ZNF737: variants seen among roughly 807,000 people sequenced by gnomAD.
ZNF737 encodes zinc finger protein 737.
Under a neutral mutation model 11.7 loss-of-function variants are expected in ZNF737, and 13 were observed. The observed-to-expected ratio is 1.11, with a 90% CI of 0.73 to 1.77. The LOEUF is 1.77. Among genes scored for constraint, ZNF737 ranks in the 40% most tolerant of loss-of-function variants. ZNF737 has a pLI of 0.00. For missense variants in ZNF737, 636 were observed against 638.0 expected (o/e 1.00, Z 0.03); for synonymous variants, 217 against 216.2 (o/e 1.00, Z -0.03).
chr19:20,541,076 G>A lies in ZNF737; in HGVS notation c.*3516C>T. 1 of 985,194 alleles carries A rather than the reference G, an allele frequency of 1.0e-6. No individual in the cohort carries two copies. Among genetic ancestry groups the A allele is most frequent in the South Asian group, 4.7e-5 (1 of 21,276 alleles). 61.0% of individuals were successfully genotyped at this position (985,194 alleles called of 1,614,324 possible). ...AAAGTTGCCTGTGCTTTAATAGGCAGACTCTGGGGAGAATCCGAATCACAG... is the reference window on the plus strand; with the variant it reads ...AAAGTTGCCTGTGCTTTAATAGGCAAACTCTGGGGAGAATCCGAATCACAG... On this transcript the variant is annotated 3_prime_UTR_variant, in exon 4 of 4. Coordinates refer to ENST00000427401, the MANE Select transcript of ZNF737 (RefSeq NM_001159293.2).
At chr19:20,546,090 T>C in intron 3 of ZNF737, 114 bp from the exon 4 acceptor site, 1 of 1,256,060 alleles carries the variant, frequency 8.0e-7, no homozygotes. Flanking sequence ...CACAGCAAAA[T>C]ACCACAAACT....
intron 1 of ZNF737, among the ~76,000 whole-genome samples, chr19:20,556,798 A>C (rs1364001003): frequency 6.6e-6 from 1 of 152,250 alleles, no homozygotes; most frequent in Non-Finnish European, 1.5e-5. Flanking sequence ...CAACATGTAC[A>C]CATGTACTAA....
Position 20,543,297 on chromosome 19 carries a change from G to A in ZNF737, c.*1295C>T. ...GAACAAACTTGAGCAACTGCTTTAG[G>A]ATTTTCCTCCAGTACAAAATGTGTG... is the stretch of plus-strand genomic sequence containing the variant. On this transcript the variant is annotated 3_prime_UTR_variant, in exon 4 of 4. Coordinates refer to ENST00000427401, the MANE Select transcript of ZNF737 (RefSeq NM_001159293.2). 1.0e-6 allele frequency: 1 copy of A among 985,556 alleles called. No individual in the cohort carries two copies. The highest frequency in any genetic ancestry group is 1.2e-6 in the Non-Finnish European group (1 of 829,884). The allele number at this position is 985,556 out of a possible 1,614,324, so 61.1% of individuals were successfully genotyped here.
chr19:20,534,621 T>A (rs1967914038), downstream of ZNF737, among the ~76,000 whole-genome samples: 1 of 150,232 alleles, frequency 6.7e-6, no homozygotes, highest in Non-Finnish European at 1.5e-5. Flanking sequence ...TGTTGTCAGT[T>A]TAATTTTTCT....
chr19:20,543,230 T>C lies in ZNF737; in HGVS notation c.*1362A>G, dbSNP rs1968293086. 1.0e-6 allele frequency: 1 copy of C among 985,366 alleles called. No homozygotes were observed. Among genetic ancestry groups the C allele is most frequent in the Non-Finnish European group, 1.2e-6 (1 of 829,874 alleles). 61.0% of individuals were successfully genotyped at this position (985,366 alleles called of 1,614,324 possible). ...GAAAAAAAAGTGTTTCTAAACTTAA[T>C]ACATTTGTAGGACTCATCTCCAATA... On this transcript the variant is annotated 3_prime_UTR_variant, in exon 4 of 4. Coordinates refer to ENST00000427401, the MANE Select transcript of ZNF737 (RefSeq NM_001159293.2).
intron 1 of ZNF737, among the ~76,000 whole-genome samples, chr19:20,555,343 T>C (rs2562625): frequency 0.24 from 36,068 of 151,936 alleles, 4,366 homozygotes; most frequent in South Asian, 0.33. Flanking sequence ...CTGCCATGCC[T>C]GGCTAATTTT....
At chr19:20,552,681 A>C in intron 2 of ZNF737, 111 bp from the exon 3 acceptor site, 2 of 670,330 alleles carry the variant, frequency 3.0e-6, no homozygotes, top group Non-Finnish European at 4.5e-6. Context: ...TTAATACCAA[A>C]ATACAAATTT....
In ZNF737 at chr19:20,545,870, T is replaced by C; in HGVS notation, c.333A>G (p.Leu111=). 1.2e-6 allele frequency: 2 copies of C among 1,613,300 alleles called. No individual in the cohort carries two copies. The highest frequency in any genetic ancestry group is 2.2e-5 in the South Asian group (2 of 90,780). ...RRYENYGHDN[L]QFKKGCESVD... ...CACTTTCACAGCCCTTTTTAAACTG[T>C]AAATTGTCATGTCCATAGTTTTCAT... Residue 111 remains leucine, a synonymous_variant, in exon 4 of 4, where the codon TTA becomes TTG. Coordinates refer to ENST00000427401, the MANE Select transcript of ZNF737 (RefSeq NM_001159293.2).
chr19:20,565,736 GAC>G lies in ZNF737; in HGVS notation c.-98_-97del, dbSNP rs1969275502. The stretch of plus-strand genomic sequence containing the variant: ...AGAGGCTGGGCCTCTAGGAGCAGAG[GAC>G]ACACAGCAGTGAAGACAAGACCTGG... On this transcript the variant is annotated 5_prime_UTR_variant, in exon 1 of 4. Transcript: ENST00000427401. 1 of 1,576,064 alleles carries G rather than the reference GAC, an allele frequency of 6.3e-7. No individual in the cohort carries two copies. Among genetic ancestry groups the G allele is most frequent in the East Asian group, 2.2e-5 (1 of 44,686 alleles).
downstream of ZNF737, among the ~76,000 whole-genome samples, chr19:20,531,046 C>T (rs1193242947): frequency 5.8e-4 from 85 of 146,868 alleles, 4 homozygotes; most frequent in African/African-American, 1.8e-3. Context: ...GCCAACACAG[C>T]AAAACCCCGT....
chr19:20,555,959 AC>A (rs1262751585), intron 1 of ZNF737, among the ~76,000 whole-genome samples: 7 of 152,174 alleles, frequency 4.6e-5, no homozygotes, highest in African/African-American at 1.2e-4. Flanking sequence ...TGCTAGCATG[AC>A]ATCAACTGGC....
downstream of ZNF737, among the ~76,000 whole-genome samples, chr19:20,535,226 TGA>T (rs1967928548): frequency 6.6e-6 from 1 of 152,162 alleles, no homozygotes; most frequent in African/African-American, 2.4e-5. Flanking sequence ...TGCAGTGAGC[TGA>T]GATTGTACCA....
chr19:20,541,194 T>C lies in ZNF737; in HGVS notation c.*3398A>G, dbSNP rs1968190510. The C allele has an allele frequency of 1.0e-6, 1 of 982,940 alleles. No individual in the cohort carries two copies. The highest frequency in any genetic ancestry group is 1.7e-5 in the African/African-American group (1 of 57,288). 60.9% of individuals were successfully genotyped at this position (982,940 alleles called of 1,614,324 possible). A position where few individuals can be genotyped will look rare whatever the true frequency, so the allele number is the denominator to read the frequency against. On this transcript the variant is annotated 3_prime_UTR_variant, in exon 4 of 4. Transcript: ENST00000427401. ...AAAGTGTTTAGTTTTGTTAATCACC[T>C]AAATAACATAATTTGTTTTGTTGCA...
downstream of ZNF737, among the ~76,000 whole-genome samples, chr19:20,534,971 AAAG>A (rs1414323882): frequency 4.0e-5 from 6 of 150,340 alleles, 1 homozygote; most frequent in African/African-American, 1.5e-4. Context: ...AACAGTAAGC[AAAG>A]ACAGAGAAAT....
In ZNF737 at chr19:20,541,450, T is replaced by A; in HGVS notation, c.*3142A>T. 1.0e-6 allele frequency: 1 copy of A among 961,038 alleles called. No homozygotes were observed. Among genetic ancestry groups the A allele is most frequent in the Non-Finnish European group, 1.2e-6 (1 of 808,044 alleles). 59.5% of individuals were successfully genotyped at this position (961,038 alleles called of 1,614,324 possible). A position where few individuals can be genotyped will look rare whatever the true frequency, so the allele number is the denominator to read the frequency against. ...GACTCAGAAATGTATGGATTTTATT[T>A]TTATTTTATTTTTTGAGATGGAGAC... On this transcript the variant is annotated 3_prime_UTR_variant, in exon 4 of 4. Transcript: ENST00000427401.
chr19:20,563,225 C>A (rs1484436779), intron 1 of ZNF737, among the ~76,000 whole-genome samples: 1 of 117,050 alleles, frequency 8.5e-6, no homozygotes, highest in Admixed American at 9.9e-5. Context: ...CTTTCCAGGG[C>A]TCTGTAGCTT....
intron 1 of ZNF737, among the ~76,000 whole-genome samples, chr19:20,563,486 C>CTT (rs59511067): frequency 1.9e-4 from 23 of 123,672 alleles, no homozygotes; most frequent in African/African-American, 5.0e-4. Context: ...GAAGTGCTTA[C>CTT]TTTTTTTTTT....
downstream of ZNF737, among the ~76,000 whole-genome samples, chr19:20,534,854 T>C (rs1311359402): frequency 6.7e-6 from 1 of 150,072 alleles, no homozygotes; most frequent in East Asian, 2.0e-4. Context: ...ATTTCTGTTT[T>C]ACTAATAAAT....
chr19:20,560,245 C>T (rs1969040932), intron 1 of ZNF737, among the ~76,000 whole-genome samples: 1 of 149,734 alleles, frequency 6.7e-6, no homozygotes, highest in African/African-American at 2.5e-5. Context: ...TACTTGGGAA[C>T]ATGAGGTAGG....
Sources: gnomAD v4.1 joint callset for allele counts (sites outside exome capture counted in the v4.1 genomes callset) on GRCh38, gnomAD v4.1.1 for gene constraint, MANE v1.5 for transcripts, NCBI Gene and HGNC (gene_info 2026-07-23, HGNC 2026-07-21) for gene names.